Variants in AP1S3 observed in about 807,000 individuals in gnomAD.
AP1S3 encodes the protein AP-1 complex subunit sigma-3.
Under a neutral mutation model 20.9 loss-of-function variants are expected in AP1S3, and 10 were observed. That is an observed-to-expected ratio of 0.48 (90% CI 0.29 to 0.81). The LOEUF (loss-of-function observed/expected upper bound fraction) is 0.81. Among genes scored for constraint, AP1S3 ranks in the 30% least tolerant of loss-of-function variants. AP1S3 has a pLI of 0.08. For missense variants in AP1S3, 154 were observed against 183.8 expected (o/e 0.84, Z 0.94); for synonymous variants, 41 against 61.5 (o/e 0.67, Z 1.56).
chr2:223,785,724 G>A (rs1320732761), intron 1 of AP1S3, among the ~76,000 whole-genome samples: 1 of 152,198 alleles, frequency 6.6e-6, no homozygotes, highest in East Asian at 1.9e-4. Flanking sequence ...ATGGCAGACT[G>A]TGTGGCTGCC....
chr2:223,808,063 T>A (rs1691629843), intron 1 of AP1S3, among the ~76,000 whole-genome samples: 1 of 151,914 alleles, frequency 6.6e-6, no homozygotes, highest in African/African-American at 2.4e-5. Flanking sequence ...CTAATTTTTG[T>A]ATTTTTTGTA....
chr2:223,776,897 A>T (rs1430932763), intron 2 of AP1S3, among the ~76,000 whole-genome samples: 1 of 152,166 alleles, frequency 6.6e-6, no homozygotes, highest in Non-Finnish European at 1.5e-5. Flanking sequence ...TCCTCAATGT[A>T]CTCATTACAA....
In AP1S3 at chr2:223,756,843, G is replaced by T; in HGVS notation, c.*1872C>A. ...TGGGATCTCCTAAAGAATCCAACAG[G>T]AAACACACTCTTCTAGGAAATCACT... On this transcript the variant is annotated 3_prime_UTR_variant, in exon 5 of 5. Coordinates refer to ENST00000396654, the MANE Select transcript of AP1S3 (RefSeq NM_001039569.2). 3.0e-6 allele frequency: 3 copies of T among 985,264 alleles called. No individual in the cohort carries two copies. Among genetic ancestry groups the T allele is most frequent in the Non-Finnish European group, 3.6e-6 (3 of 829,918 alleles). 61.0% of individuals were successfully genotyped at this position (985,264 alleles called of 1,614,324 possible).
intron 1 of AP1S3, among the ~76,000 whole-genome samples, chr2:223,782,806 T>C (rs767687914): frequency 6.6e-6 from 1 of 152,216 alleles, no homozygotes; most frequent in African/African-American, 2.4e-5. Flanking sequence ...CCTCACGTTC[T>C]GCTCTGCTTG....
intron 4 of AP1S3, among the ~76,000 whole-genome samples, chr2:223,759,826 G>A (rs1003053950): frequency 1.3e-5 from 2 of 152,060 alleles, no homozygotes; most frequent in Non-Finnish European, 2.9e-5. Context: ...GTGTCCGTGT[G>A]TTCTCATCAT....
At chr2:223,784,254 AT>A (rs1358363568) in intron 1 of AP1S3, among the ~76,000 whole-genome samples, 3 of 152,008 alleles carry the variant, frequency 2.0e-5, no homozygotes, top group African/African-American at 7.2e-5. Flanking sequence ...TTTCCCTTTG[AT>A]CCCCCACGTG....
rs1690262485 is a variant in AP1S3 at position 223,758,001 on chromosome 2, T to C, written c.*714A>G. 1.0e-6 allele frequency: 1 copy of C among 967,818 alleles called. No homozygotes were observed. The highest frequency in any genetic ancestry group is 1.2e-6 in the Non-Finnish European group (1 of 813,942). 60.0% of individuals were successfully genotyped at this position (967,818 alleles called of 1,614,324 possible). A position where few individuals can be genotyped will look rare whatever the true frequency, so the allele number is the denominator to read the frequency against. Reference sequence around the variant, plus strand: ...GTCTCTATAAACCTTAATAAATATATAGTTCATAGAAAACCTTATTGGAAT... The same window carrying C: ...GTCTCTATAAACCTTAATAAATATACAGTTCATAGAAAACCTTATTGGAAT... On this transcript the variant is annotated 3_prime_UTR_variant, in exon 5 of 5. Transcript: ENST00000396654.
At chr2:223,760,409 C>A (rs1004212882) in intron 4 of AP1S3, among the ~76,000 whole-genome samples, 1 of 152,200 alleles carries the variant, frequency 6.6e-6, no homozygotes, top group African/African-American at 2.4e-5. Context: ...TCTGCCCTTA[C>A]CTTCAAAAGA....
chr2:223,811,657 C>T (rs925721409), intron 1 of AP1S3, among the ~76,000 whole-genome samples: 1 of 151,978 alleles, frequency 6.6e-6, no homozygotes, highest in South Asian at 2.1e-4. Flanking sequence ...TTAACATTTC[C>T]ATCTAATACA....
intron 4 of AP1S3, 48 bp downstream of exon 4, chr2:223,765,165 T>TCATCAC (rs1690447466): frequency 6.2e-7 from 1 of 1,603,032 alleles, no homozygotes; most frequent in Non-Finnish European, 8.5e-7. Flanking sequence ...AACACCATCA[T>TCATCAC]CATCATCATC....
chr2:223,783,324 G>C (rs962925324), intron 1 of AP1S3, among the ~76,000 whole-genome samples: 1 of 151,962 alleles, frequency 6.6e-6, no homozygotes, highest in Non-Finnish European at 1.5e-5. Context: ...ACCTCCAAAG[G>C]GGCAACTTCT....
rs57119521 is a variant in AP1S3 at position 223,762,268 on chromosome 2, A to ATTTTTTTTTTTT, written c.429+2933_429+2944dup. Among the ~76,000 whole-genome samples the ATTTTTTTTTTTT allele has an allele frequency of 3.8e-5, 4 of 105,198 alleles. 2 individuals carry two copies. Among genetic ancestry groups the ATTTTTTTTTTTT allele is most frequent in the Non-Finnish European group, 3.7e-5 (2 of 53,942 alleles). The allele number at this position is 105,198 out of a possible 152,430, so 69.0% of individuals were successfully genotyped here. On this transcript the variant is annotated intron_variant, in intron 4 of 4. Coordinates refer to ENST00000396654, the MANE Select transcript of AP1S3 (RefSeq NM_001039569.2). ...TAGGCATGAGCCATTGTGCCCAGCA[A>ATTTTTTTTTTTT]TTTTTTTTTTTTTTTTTTTTTTGAG...
intron 1 of AP1S3, among the ~76,000 whole-genome samples, chr2:223,791,073 T>C (rs1429720918): frequency 2.0e-5 from 3 of 152,114 alleles, no homozygotes; most frequent in Non-Finnish European, 4.4e-5. Context: ...ATCAGATGGA[T>C]TCACAGCTGA....
intron 1 of AP1S3, among the ~76,000 whole-genome samples, chr2:223,783,276 C>T (rs1197573769): frequency 6.6e-6 from 1 of 152,158 alleles, no homozygotes; most frequent in Admixed American, 6.5e-5. Context: ...ATGCTTGGAA[C>T]CAGGTGGGCA....
At chr2:223,808,365 G>C (rs560966364) in intron 1 of AP1S3, among the ~76,000 whole-genome samples, 9 of 152,238 alleles carry the variant, frequency 5.9e-5, no homozygotes, top group Admixed American at 5.2e-4. Flanking sequence ...CCTCCCTTCT[G>C]ACAGGCTTAG....
chr2:223,833,972 G>A (rs193048092), intron 1 of AP1S3, among the ~76,000 whole-genome samples: 2 of 151,798 alleles, frequency 1.3e-5, no homozygotes, highest in Non-Finnish European at 2.9e-5. Context: ...GCAATGGCAC[G>A]ATCTTGGCTC....
chr2:223,777,651 G>GTAAT lies in AP1S3; in HGVS notation c.182+39_182+40insATTA, dbSNP rs1559279481. ...ATGTTCAGGATTAGAACAAACCAAAGTAAGACTGAGAAATTGAGCTCTCAA... is the reference window on the plus strand; with the variant it reads ...ATGTTCAGGATTAGAACAAACCAAAGTAATTAAGACTGAGAAATTGAGCTCTCAA... On this transcript the variant is annotated intron_variant, in intron 2 of 4. Coordinates refer to ENST00000396654, the MANE Select transcript of AP1S3 (RefSeq NM_001039569.2). The GTAAT allele has an allele frequency of 3.8e-6, 6 of 1,580,436 alleles. No homozygotes were observed. In the South Asian group the frequency reaches 7.0e-5, roughly 18 times the overall value.
At chr2:223,822,921 C>G (rs780431556) in intron 1 of AP1S3, among the ~76,000 whole-genome samples, 14 of 151,748 alleles carry the variant, frequency 9.2e-5, no homozygotes, top group Non-Finnish European at 1.9e-4. Flanking sequence ...AAAAAATGGG[C>G]AAAGAACCTA....
At chr2:223,796,044 G>C (rs1002713100) in intron 1 of AP1S3, among the ~76,000 whole-genome samples, 5 of 152,020 alleles carry the variant, frequency 3.3e-5, no homozygotes, top group Non-Finnish European at 5.9e-5. Context: ...GCGGTGGCAG[G>C]CATCTGTAAT....
Sources: allele counts gnomAD v4.1 joint callset (sites outside exome capture counted in the v4.1 genomes callset), GRCh38; gene constraint gnomAD v4.1.1; transcripts MANE v1.5; gene names NCBI Gene and HGNC (gene_info 2026-07-23, HGNC 2026-07-21).